The following TG variants were observed in gnomAD, a reference collection of about 807,000 sequenced individuals.
The protein encoded by TG is thyroid hormones.
A neutral mutation model predicts 324.7 loss-of-function variants in TG; 270 were observed. That is an observed-to-expected ratio of 0.83 (90% CI 0.75 to 0.92). TG has a LOEUF of 0.92. TG is among the 40% of genes least tolerant of loss of function. The pLI, the probability that TG is intolerant of heterozygous loss-of-function variation, is 0.00. For synonymous variants in TG, 1,401 were observed against 1,327.0 expected (o/e 1.06, Z -1.21); for missense variants, 3,591 against 3,456.4 (o/e 1.04, Z -0.98).
At chr8:132,870,896 C>G (rs1315485817) in intron 3 of TG, among the ~76,000 whole-genome samples, 2 of 152,156 alleles carry the variant, frequency 1.3e-5, no homozygotes, top group East Asian at 3.9e-4. Context: ...GATCCACTTC[C>G]AGGACTCAAA....
At chr8:132,929,329 T>C (rs1822349482) in intron 23 of TG, 137 bp downstream of exon 23, 2 of 717,058 alleles carry the variant, frequency 2.8e-6, no homozygotes, top group Non-Finnish European at 4.9e-6. Context: ...TATAAATGAA[T>C]TGATTTCCAG....
At chr8:133,055,036 A>C (rs1260260365) in intron 41 of TG, among the ~76,000 whole-genome samples, 1 of 152,110 alleles carries the variant, frequency 6.6e-6, no homozygotes, top group Non-Finnish European at 1.5e-5. Context: ...AAGCTGGGAG[A>C]GTTTTAGTCA....
intron 41 of TG, chr8:133,047,077 A>G (rs1342553161): frequency 1.3e-5 from 2 of 152,244 alleles, no homozygotes; most frequent in Non-Finnish European, 1.5e-5. Flanking sequence ...GTACTCTCCT[A>G]CTGTAAATCT....
intron 41 of TG, among the ~76,000 whole-genome samples, chr8:133,090,550 C>G (rs1847332853): frequency 6.6e-6 from 1 of 152,196 alleles, no homozygotes; most frequent in African/African-American, 2.4e-5. Context: ...GGGACTTGCT[C>G]CCCATCAGCC....
intron 9 of TG, 57 bp downstream of exon 9, chr8:132,887,605 C>A (rs2132168141): frequency 6.2e-7 from 1 of 1,609,294 alleles, no homozygotes; most frequent in Non-Finnish European, 8.5e-7. Flanking sequence ...TAGGCCCTGA[C>A]CCAATGCAGT....
chr8:133,074,732 T>G (rs754782538), intron 41 of TG: 3 of 434,996 alleles, frequency 6.9e-6, no homozygotes, highest in Non-Finnish European at 9.2e-6. Context: ...CTCAAGACAT[T>G]GCCCCACCTG....
intron 42 of TG, 138 bp from the exon 43 acceptor site, chr8:133,096,068 A>C: frequency 9.7e-7 from 1 of 1,027,618 alleles, no homozygotes; most frequent in Non-Finnish European, 1.5e-6. Flanking sequence ...CCTGCCTGCC[A>C]GTTGTCCTGG....
At chr8:133,110,193 C>G (rs1235196170) in intron 43 of TG, among the ~76,000 whole-genome samples, 6 of 152,190 alleles carry the variant, frequency 3.9e-5, no homozygotes, top group African/African-American at 1.4e-4. Context: ...GAGTTCTCCC[C>G]ACTTCCGCTC....
At position 133,019,704 on chromosome 8, in the gene TG, A is replaced by C. The variant is rs765695331; in HGVS notation, c.6876+9A>C. On this transcript the variant is annotated intron_variant, in intron 39 of 47. Coordinates refer to ENST00000220616, the MANE Select transcript of TG (RefSeq NM_003235.5). ...TCATCCCTCAGAATGTGGTGAGTTC[A>C]AAAGCACTTGCTATGGTTGCCCTGA... 1.9e-5 allele frequency: 30 copies of C among 1,609,420 alleles called. No homozygotes were observed. Among genetic ancestry groups the C allele is most frequent in the Non-Finnish European group, 2.5e-5 (30 of 1,176,518 alleles).
At chr8:132,869,175 G>T (rs908518851) in intron 2 of TG, among the ~76,000 whole-genome samples, 27 of 152,190 alleles carry the variant, frequency 1.8e-4, no homozygotes, top group African/African-American at 6.5e-4. Flanking sequence ...CTCTTCAGGA[G>T]GCTTTGCATA....
At chr8:133,046,906 T>G (rs1839522191) in intron 41 of TG, among the ~76,000 whole-genome samples, 2 of 152,206 alleles carry the variant, frequency 1.3e-5, no homozygotes, top group Non-Finnish European at 2.9e-5. Flanking sequence ...ACTTATTAGG[T>G]GCATGGGAAG....
rs1164920405 is a variant in TG, at chr8:132,906,795, C to T, written c.3742C>T (p.Leu1248=). Residue 1248 remains leucine, a synonymous_variant, in exon 17 of 48, where the codon CTG becomes TTG. Transcript: ENST00000220616. ...CTCTGCCATGCAGCAGTGCCAATTG[C>T]TGTGCCGCCAGGGCTCCTGGAGCGT... ...TGSAMQQCQL[L]CRQGSWSVFP... 6.2e-7 allele frequency: 1 copy of T among 1,614,218 alleles called. No homozygotes were observed. The highest frequency in any genetic ancestry group is 8.5e-7 in the Non-Finnish European group (1 of 1,180,048).
Position 132,948,936 on chromosome 8 carries a change from C to A in TG, c.5394C>A (p.Phe1798Leu). Residue 1798 changes from phenylalanine to leucine, a missense_variant, in exon 27 of 48, where the codon TTC becomes TTA. Physicochemically the swap from Phe to Leu is conservative, Grantham distance 22. Transcript: ENST00000220616. ...TATTGCGTCTTGGAGACCAGGAGTT[C>A]ATCAAGAGTAAGTCTTTGCCATTTG... ...QVILRLGDQE[F>L]IKSLTPLEGT... The A allele has an allele frequency of 1.2e-6, 2 of 1,613,384 alleles. No individual in the cohort carries two copies. The highest frequency in any genetic ancestry group is 1.7e-6 in the Non-Finnish European group (2 of 1,179,946).
intron 41 of TG, among the ~76,000 whole-genome samples, chr8:133,041,353 T>C (rs1838196681): frequency 1.3e-5 from 2 of 152,240 alleles, no homozygotes; most frequent in African/African-American, 4.8e-5. Flanking sequence ...ACTCAGTCTG[T>C]CACAGGGCGG....
chr8:133,057,421 C>T (rs1027530180), intron 41 of TG, among the ~76,000 whole-genome samples: 4 of 152,222 alleles, frequency 2.6e-5, no homozygotes, highest in African/African-American at 9.6e-5. Flanking sequence ...CTACCAGTTT[C>T]ACCACTTTAA....
At chr8:132,930,019 G>C (rs1165489186) in intron 23 of TG, among the ~76,000 whole-genome samples, 3 of 152,066 alleles carry the variant, frequency 2.0e-5, no homozygotes, top group African/African-American at 7.2e-5. Flanking sequence ...CCCCCAAGTA[G>C]TCCCCAGTGT....
At chr8:133,047,006 A>T (rs2131174700) in intron 41 of TG, 1 of 152,314 alleles carries the variant, frequency 6.6e-6, no homozygotes, top group Admixed American at 6.5e-5. Context: ...ATTTTAAAAA[A>T]GTTATTATTA....
At chr8:132,968,806 G>C (rs1829026222) in intron 31 of TG, among the ~76,000 whole-genome samples, 1 of 152,194 alleles carries the variant, frequency 6.6e-6, no homozygotes, top group African/African-American at 2.4e-5. Flanking sequence ...CTGGCTCCTG[G>C]TGGTTTGGGC....
At chr8:132,894,093 C>G (rs1190944976) in intron 11 of TG, among the ~76,000 whole-genome samples, 164 bp downstream of exon 11, 1 of 152,136 alleles carries the variant, frequency 6.6e-6, no homozygotes, top group Non-Finnish European at 1.5e-5. Flanking sequence ...CCAGTCAAAG[C>G]TGGAATGCTG....
Sources: allele counts gnomAD v4.1 joint callset (sites outside exome capture counted in the v4.1 genomes callset), GRCh38; gene constraint gnomAD v4.1.1; transcripts MANE v1.5; gene names NCBI Gene and HGNC (gene_info 2026-07-23, HGNC 2026-07-21).